Variants in LDB2 observed in about 807,000 individuals in gnomAD.
LDB2 encodes the protein LIM domain-binding protein 2.
LDB2 carries 12 observed loss-of-function variants against 44.3 expected under a neutral mutation model. The ratio of observed to expected loss-of-function variants is 0.27; its 90% CI spans 0.17 to 0.44. The LOEUF is 0.44. Ranked by LOEUF, LDB2 falls within the 20% of genes least tolerant of loss-of-function variation. The pLI is 1.00. For missense variants in LDB2, 344 were observed against 473.5 expected, an observed-to-expected ratio of 0.73 and a Z score of 2.54; for synonymous variants, 164 against 174.8, an observed-to-expected ratio of 0.94 and a Z score of 0.49.
At chr4:16,665,456 G>T (rs1241807519) in intron 2 of LDB2, among the ~76,000 whole-genome samples, 1 of 151,914 alleles carries the variant, frequency 6.6e-6, no homozygotes, top group Non-Finnish European at 1.5e-5. Flanking sequence ...TATTAGAGAC[G>T]GGGTTTCACC....
At chr4:16,550,721 C>A (rs183800663) in intron 5 of LDB2, among the ~76,000 whole-genome samples, 1 of 152,184 alleles carries the variant, frequency 6.6e-6, no homozygotes, top group Non-Finnish European at 1.5e-5. Flanking sequence ...TTCAGATGCA[C>A]GTGGCATTTT....
intron 2 of LDB2, among the ~76,000 whole-genome samples, chr4:16,672,415 C>T (rs1372797891): frequency 6.6e-6 from 1 of 152,168 alleles, no homozygotes; most frequent in Non-Finnish European, 1.5e-5. Flanking sequence ...AGTTCATTGG[C>T]ACCATCTGAG....
At chr4:16,894,218 G>A (rs1203546639) in intron 1 of LDB2, among the ~76,000 whole-genome samples, 1 of 152,042 alleles carries the variant, frequency 6.6e-6, no homozygotes, top group Non-Finnish European at 1.5e-5. Flanking sequence ...AATACATTTG[G>A]CACTGCCAAA....
chr4:16,717,746 C>T lies in LDB2; in HGVS notation c.235+41412G>A, dbSNP rs547454948. 3.1e-3 allele frequency among the ~76,000 whole-genome samples: 469 copies of T among 152,198 alleles called. 1 individual carries two copies. Among genetic ancestry groups the T allele is most frequent in the South Asian group, 0.015 (72 of 4,822 alleles). On this transcript the variant is annotated intron_variant, in intron 2 of 7. Transcript: ENST00000304523. ...GGACTGATTGTATCGCTTGGTATTT[C>T]GCCCAAATTTCTCCCACGCATTTAT...
intron 7 of LDB2, chr4:16,506,146 T>A: frequency 1.6e-6 from 1 of 623,664 alleles, no homozygotes; most frequent in Non-Finnish European, 2.7e-6. Flanking sequence ...AGTTAACCAG[T>A]AGAATAGTGT....
intron 2 of LDB2, among the ~76,000 whole-genome samples, chr4:16,721,697 C>A (rs1378588055): frequency 6.6e-6 from 1 of 152,134 alleles, no homozygotes; most frequent in African/African-American, 2.4e-5. Context: ...AGGAAACTCA[C>A]ACTGATCTGA....
chr4:16,688,258 A>C (rs1749742476), intron 2 of LDB2, among the ~76,000 whole-genome samples: 1 of 152,190 alleles, frequency 6.6e-6, no homozygotes, highest in Non-Finnish European at 1.5e-5. Flanking sequence ...AGACAAAGGA[A>C]ACCCTCATGA....
At chr4:16,777,322 G>T (rs985181451) in intron 1 of LDB2, among the ~76,000 whole-genome samples, 1 of 152,116 alleles carries the variant, frequency 6.6e-6, no homozygotes, top group African/African-American at 2.4e-5. Context: ...TCCTGTTAGT[G>T]CAACATTTCA....
intron 2 of LDB2, among the ~76,000 whole-genome samples, chr4:16,613,817 C>G (rs1014209791): frequency 3.9e-5 from 6 of 152,056 alleles, no homozygotes; most frequent in African/African-American, 1.4e-4. Context: ...TAGGAAGAAT[C>G]GATATTGAGA....
chr4:16,833,699 C>T (rs1027125565), intron 1 of LDB2, among the ~76,000 whole-genome samples: 9 of 152,130 alleles, frequency 5.9e-5, no homozygotes, highest in Non-Finnish European at 1.0e-4. Context: ...CATGCCACCA[C>T]GCCCAGCTAA....
intron 1 of LDB2, among the ~76,000 whole-genome samples, chr4:16,797,636 T>C (rs1219357700): frequency 6.6e-6 from 1 of 152,148 alleles, no homozygotes; most frequent in African/African-American, 2.4e-5. Flanking sequence ...TTAGGAATGA[T>C]AATAATAATA....
chr4:16,662,891 A>G (rs1420873136), intron 2 of LDB2, among the ~76,000 whole-genome samples: 1 of 152,106 alleles, frequency 6.6e-6, no homozygotes, highest in Non-Finnish European at 1.5e-5. Context: ...AAATGGACTA[A>G]TACATATATG....
At chr4:16,815,974 G>A (rs567335659) in intron 1 of LDB2, among the ~76,000 whole-genome samples, 17 of 152,170 alleles carry the variant, frequency 1.1e-4, no homozygotes, top group Non-Finnish European at 1.6e-4. Context: ...TTGGGAGGCC[G>A]AGGCGGGTGG....
intron 5 of LDB2, among the ~76,000 whole-genome samples, chr4:16,575,738 G>T (rs189501169): frequency 1.3e-5 from 2 of 152,268 alleles, no homozygotes; most frequent in East Asian, 3.9e-4. Context: ...GAAGGAAATT[G>T]AAACTTTTTA....
chr4:16,725,906 GTA>G (rs972488349), intron 2 of LDB2, among the ~76,000 whole-genome samples: 6 of 146,536 alleles, frequency 4.1e-5, no homozygotes, highest in East Asian at 2.0e-4. Flanking sequence ...TATATATTAT[GTA>G]TATATATGTA....
chr4:16,648,186 T>C (rs1167504886), intron 2 of LDB2, among the ~76,000 whole-genome samples: 1 of 152,234 alleles, frequency 6.6e-6, no homozygotes, highest in Non-Finnish European at 1.5e-5. Flanking sequence ...TCTCATTTTA[T>C]ACACAAGGAA....
chr4:16,691,804 C>A (rs530879332), intron 2 of LDB2, among the ~76,000 whole-genome samples: 1 of 152,182 alleles, frequency 6.6e-6, no homozygotes, highest in East Asian at 1.9e-4. Flanking sequence ...TGATGACCAT[C>A]ATCAAAAGGA....
chr4:16,591,798 A>G (rs1445002079), intron 3 of LDB2, among the ~76,000 whole-genome samples: 2 of 152,220 alleles, frequency 1.3e-5, no homozygotes, highest in African/African-American at 4.8e-5. Flanking sequence ...GGGAATTAAC[A>G]TCTTCTCTCT....
chr4:16,568,665 C>G (rs1247941035), intron 5 of LDB2, among the ~76,000 whole-genome samples: 3 of 152,176 alleles, frequency 2.0e-5, no homozygotes, highest in Non-Finnish European at 4.4e-5. Flanking sequence ...TCTGTGCATA[C>G]TCAGAGCCTT....
Sources: gnomAD v4.1 joint callset for allele counts (sites outside exome capture counted in the v4.1 genomes callset) on GRCh38, gnomAD v4.1.1 for gene constraint, MANE v1.5 for transcripts, NCBI Gene and HGNC (gene_info 2026-07-23, HGNC 2026-07-21) for gene names.